The following PTPN7 variants were observed in gnomAD, a reference collection of about 807,000 sequenced individuals.
PTPN7 encodes the protein tyrosine-protein phosphatase non-receptor type 7.
PTPN7 carries 33 observed loss-of-function variants against 50.3 expected under a neutral mutation model. The ratio of observed to expected loss-of-function variants is 0.66; its 90% CI spans 0.50 to 0.88. The LOEUF (loss-of-function observed/expected upper bound fraction) is 0.88. PTPN7 is among the 40% of genes least tolerant of loss of function. The pLI, the probability that PTPN7 is intolerant of heterozygous loss-of-function variation, is 0.00. For synonymous variants in PTPN7, 185 were observed against 186.6 expected, an observed-to-expected ratio of 0.99 and a Z score of 0.07; for missense variants, 412 against 475.4, an observed-to-expected ratio of 0.87 and a Z score of 1.24.
upstream of PTPN7, chr1:202,160,636 GC>G: frequency 1.9e-6 from 3 of 1,550,558 alleles, no homozygotes; most frequent in Non-Finnish European, 2.6e-6. This position sits in a 1 kb window ranked among gnomAD's most constrained non-coding sequence, Gnocchi z 4.8. Context: ...CAGGAAGCCA[GC>G]TTCCTCCCTC....
rs9077 is a variant in PTPN7 at position 202,147,110 on chromosome 1, G to A, written c.*1496C>T. ...AGATGGGGTTGGGGGGACAGTGCCAGGGAGGGCCTGTGGGGCTGTGCAGTT... is the reference window on the plus strand; with the variant it reads ...AGATGGGGTTGGGGGGACAGTGCCAAGGAGGGCCTGTGGGGCTGTGCAGTT... On this transcript the variant is annotated 3_prime_UTR_variant, in exon 10 of 10. Coordinates refer to ENST00000691036, the MANE Select transcript of PTPN7 (RefSeq NM_002832.4). The A allele has an allele frequency of 0.24, 36,772 of 151,992 alleles. 5,627 individuals are homozygous for A. The highest frequency in any genetic ancestry group is 0.34 in the Middle Eastern group (101 of 294). 9.4% of individuals were successfully genotyped at this position (151,992 alleles called of 1,614,324 possible). A position where few individuals can be genotyped will look rare whatever the true frequency, so the allele number is the denominator to read the frequency against.
chr1:202,157,424 G>T (rs1433044114), intron 4 of PTPN7, among the ~76,000 whole-genome samples: 1 of 151,966 alleles, frequency 6.6e-6, no homozygotes, highest in East Asian at 1.9e-4. Context: ...CAGGAGAATC[G>T]CTTGAACCCG....
rs1294789300 is a variant in PTPN7, at chr1:202,148,533, G to T, written c.*73C>A. 4 of 1,390,890 alleles carry T rather than the reference G, an allele frequency of 2.9e-6. No homozygotes were observed. The highest frequency in any genetic ancestry group is 4.0e-6 in the Non-Finnish European group (4 of 993,634). 86.2% of individuals were successfully genotyped at this position (1,390,890 alleles called of 1,614,324 possible). ...CCAAGGGGTACCCCCAGATCACTCG[G>T]CCCACTTTCCCCAGACCCACCTTCC... is the stretch of plus-strand genomic sequence containing the variant. On this transcript the variant is annotated 3_prime_UTR_variant, in exon 10 of 10. Transcript: ENST00000691036.
chr1:202,148,685 T>C lies in PTPN7; in HGVS notation c.1004A>G (p.Gln335Arg). ...QLRLDRGGMI[Q>R]TAEQYQFLHH... ...CAGGAACTGGTACTGCTCTGCCGTC[T>C]GGATCATCCCCCCTCTGCAAGGAGA... The change falls in exon 10 of 10, where the codon CAG becomes CGG. Residue 335 changes from glutamine to arginine, a missense_variant. Physicochemically the swap from Gln to Arg is conservative, Grantham distance 43. Transcript: ENST00000691036. 1 of 1,613,630 alleles carries C rather than the reference T, an allele frequency of 6.2e-7. No homozygotes were observed. The highest frequency in any genetic ancestry group is 1.1e-5 in the South Asian group (1 of 90,986).
chr1:202,150,458 T>C lies in PTPN7; in HGVS notation c.876-34A>G, dbSNP rs984371060. 1.2e-5 allele frequency: 19 copies of C among 1,540,238 alleles called. No homozygotes were observed. In the African/African-American group the frequency reaches 1.8e-4, roughly 14 times the overall value. On this transcript the variant is annotated intron_variant, in intron 8 of 9. Coordinates refer to ENST00000691036, the MANE Select transcript of PTPN7 (RefSeq NM_002832.4). Reference sequence around the variant, plus strand: ...AGCCAGGGAGGGGACAGGGAGGTCATGGGAGACCAGGGAATATGAGAGCCA... The same window carrying C: ...AGCCAGGGAGGGGACAGGGAGGTCACGGGAGACCAGGGAATATGAGAGCCA...
chr1:202,153,986 C>CA, intron 6 of PTPN7, 151 bp from the exon 7 acceptor site: 1 of 981,706 alleles, frequency 1.0e-6, no homozygotes, highest in South Asian at 1.5e-5. Flanking sequence ...TTGATACCTG[C>CA]AAGCAGAGTG....
rs201860456 is a variant in PTPN7, at chr1:202,147,919, C to G, written c.*687G>C. The G allele has an allele frequency of 3.9e-5, 6 of 152,378 alleles. No homozygotes were observed. The East Asian group carries it at 1.2e-3, about 29-fold the overall frequency. 9.4% of individuals were successfully genotyped at this position (152,378 alleles called of 1,614,324 possible). ...CTTCCAGAGATTTCAACTGCCAGGC[C>G]TGGTCACCTCTGTAGCCTACTCTTA... On this transcript the variant is annotated 3_prime_UTR_variant, in exon 10 of 10. Coordinates refer to ENST00000691036, the MANE Select transcript of PTPN7 (RefSeq NM_002832.4).
At position 202,160,159 on chromosome 1, in the gene PTPN7, G is replaced by A. The variant is rs1657202788; in HGVS notation, c.-53+386C>T. Among the ~76,000 whole-genome samples, 1 of 152,126 alleles carries A rather than the reference G, an allele frequency of 6.6e-6. No individual in the cohort carries two copies. Among genetic ancestry groups the A allele is most frequent in the South Asian group, 2.1e-4 (1 of 4,830 alleles). On this transcript the variant is annotated intron_variant, in intron 1 of 9. Transcript: ENST00000691036. This position sits in a 1 kb window ranked among gnomAD's most constrained non-coding sequence, Gnocchi z 4.8. ...TGGGGGCAAGACAGGAGGCATGGAG[G>A]TGGTGGGACCATCTCCTCTTGGGGG...
At chr1:202,156,855 A>G (rs1166857109) in intron 4 of PTPN7, among the ~76,000 whole-genome samples, 1 of 152,142 alleles carries the variant, frequency 6.6e-6, no homozygotes, top group Non-Finnish European at 1.5e-5. Context: ...CCGGGGCCTC[A>G]TGCCTGCCTC....
intron 2 of PTPN7, chr1:202,158,533 GT>G (rs200053967): frequency 0.022 from 7,807 of 361,638 alleles, 2 homozygotes; most frequent in South Asian, 0.029. Context: ...GCTAATTTAA[GT>G]TTTTTTTTTT....
At position 202,148,657 on chromosome 1, in the gene PTPN7, G is replaced by A. The variant is rs1655583490; in HGVS notation, c.1032C>T (p.His344=). Residue 344 remains histidine (H), a synonymous_variant, in exon 10 of 10, where the codon CAC becomes CAT. Transcript: ENST00000691036. ...GGCCTGCATACAGGGCCAAAGTGTG[G>A]TGCAGGAACTGGTACTGCTCTGCCG... is the stretch of plus-strand genomic sequence containing the variant. ...IQTAEQYQFL[H]HTLALYAGQL... The A allele has an allele frequency of 6.2e-7, 1 of 1,613,972 alleles. No homozygotes were observed. The highest frequency in any genetic ancestry group is 8.5e-7 in the Non-Finnish European group (1 of 1,179,946).
intron 9 of PTPN7, 71 bp downstream of exon 9, chr1:202,150,240 G>T: frequency 8.2e-7 from 1 of 1,215,116 alleles, no homozygotes; most frequent in Non-Finnish European, 1.2e-6. Flanking sequence ...GGGCCTAGCA[G>T]AACTCTGGGG....
Position 202,160,152 on chromosome 1 carries a change from C to A in PTPN7, c.-53+393G>T, listed in dbSNP as rs1461925234. On this transcript the variant is annotated intron_variant, in intron 1 of 9. Transcript: ENST00000691036. This position sits in a 1 kb window ranked among gnomAD's most constrained non-coding sequence, Gnocchi z 4.8. ...CGACAGCTGGGGGCAAGACAGGAGG[C>A]ATGGAGGTGGTGGGACCATCTCCTC... Among the ~76,000 whole-genome samples the A allele has an allele frequency of 6.6e-6, 1 of 152,100 alleles. No individual in the cohort carries two copies. The highest frequency in any genetic ancestry group is 1.5e-5 in the Non-Finnish European group (1 of 68,004).
chr1:202,154,030 C>A (rs184813903), intron 6 of PTPN7, among the ~76,000 whole-genome samples, 156 bp downstream of exon 6: 1 of 152,166 alleles, frequency 6.6e-6, no homozygotes, highest in East Asian at 1.9e-4. Context: ...CATAGACAGC[C>A]TCCCAGGGCT....
chr1:202,152,396 C>G (rs541671762), intron 8 of PTPN7, 146 bp downstream of exon 8: 1 of 962,574 alleles, frequency 1.0e-6, no homozygotes, highest in Admixed American at 2.9e-5. Context: ...AGAACAGAGC[C>G]CTTGCTGAAT....
At chr1:202,155,281 A>T (rs970280631) in intron 5 of PTPN7, among the ~76,000 whole-genome samples, 1 of 152,154 alleles carries the variant, frequency 6.6e-6, no homozygotes, top group African/African-American at 2.4e-5. Context: ...GTGGCATGGG[A>T]GGACTGATAG....
upstream of PTPN7, chr1:202,161,571 C>G (rs781189158): frequency 2.3e-6 from 3 of 1,281,846 alleles, no homozygotes; most frequent in Admixed American, 7.2e-5. Context: ...GCTCGCTGCA[C>G]GCCTCCTTTT....
At chr1:202,153,407 A>G (rs1400756252) in intron 7 of PTPN7, among the ~76,000 whole-genome samples, 2 of 152,120 alleles carry the variant, frequency 1.3e-5, no homozygotes, top group Admixed American at 1.3e-4. Flanking sequence ...TACAGGCATG[A>G]GCCGCCACAC....
intron 2 of PTPN7, chr1:202,158,823 T>G (rs1656993666): frequency 6.4e-6 from 1 of 156,756 alleles, no homozygotes; most frequent in African/African-American, 2.5e-5. Context: ...GAGGTCTCAC[T>G]ATATTGCCTA....
Sources: allele counts gnomAD v4.1 joint callset (sites outside exome capture counted in the v4.1 genomes callset), GRCh38; gene constraint gnomAD v4.1.1; non-coding constraint Gnocchi (gnomAD v3.1); transcripts MANE v1.5; gene names NCBI Gene and HGNC (gene_info 2026-07-23, HGNC 2026-07-21).